SMARCC1: variants seen among roughly 807,000 people sequenced by gnomAD.
SMARCC1 encodes the protein SWI/SNF related BAF chromatin remodeling complex subunit C1, also known as SWI/SNF complex subunit SMARCC1.
Under a neutral mutation model 147.4 loss-of-function variants are expected in SMARCC1, and 43 were observed. That is an observed-to-expected ratio of 0.29 (90% confidence interval 0.23 to 0.38). The LOEUF is 0.38. Ranked by LOEUF, SMARCC1 falls within the 10% of genes least tolerant of loss-of-function variation. The probability of loss-of-function intolerance (pLI) is 1.00; values close to 1 mark genes in which losing one functional copy is unlikely to be tolerated. For synonymous variants in SMARCC1, 495 were observed against 484.4 expected (o/e 1.02, Z -0.29); for missense variants, 1,119 against 1,381.1 (o/e 0.81, Z 3.01).
chr3:47,741,353 C>G (rs964545856), intron 3 of SMARCC1, among the ~76,000 whole-genome samples: 2 of 48,872 alleles, frequency 4.1e-5, no homozygotes, highest in Non-Finnish European at 1.2e-4. Flanking sequence ...AATTTGAACA[C>G]TCAACGATTT....
At chr3:47,608,849 TAAAAAAAAA>T (rs35698988) in intron 26 of SMARCC1, among the ~76,000 whole-genome samples, 7 of 86,864 alleles carry the variant, frequency 8.1e-5, no homozygotes, top group Non-Finnish European at 1.5e-4. Flanking sequence ...ACAGTGTCTT[TAAAAAAAAA>T]AAAAAAAAAA....
chr3:47,753,712 C>CAAAAAA (rs71070226), intron 2 of SMARCC1, among the ~76,000 whole-genome samples: 13 of 69,534 alleles, frequency 1.9e-4, no homozygotes, highest in East Asian at 9.2e-4. Flanking sequence ...AACTCCATCT[C>CAAAAAA]AAAAAAAAAA....
chr3:47,687,400 G>T (rs1299237910), intron 13 of SMARCC1, among the ~76,000 whole-genome samples: 1 of 152,144 alleles, frequency 6.6e-6, no homozygotes, highest in Non-Finnish European at 1.5e-5. Context: ...ACAGGAAGAG[G>T]CTGGCATTGC....
In SMARCC1 at chr3:47,610,335, C is replaced by T. The variant is rs369706664; in HGVS notation, c.2782-8G>A. On this transcript the variant is annotated splice_region_variant and splice_polypyrimidine_tract_variant and intron_variant, in intron 25 of 27. Transcript: ENST00000254480. ...CTGCCTCTGTTGTTCTAGCTGTAAGCAAAGGAAGTGGAAGAGAAATGACAC... is the reference window on the plus strand; with the variant it reads ...CTGCCTCTGTTGTTCTAGCTGTAAGTAAAGGAAGTGGAAGAGAAATGACAC... The T allele has an allele frequency of 1.2e-6, 2 of 1,614,018 alleles. No homozygotes were observed. The highest frequency in any genetic ancestry group is 1.7e-6 in the Non-Finnish European group (2 of 1,179,904).
intron 2 of SMARCC1, among the ~76,000 whole-genome samples, chr3:47,763,502 G>A (rs1181267677): frequency 6.6e-6 from 1 of 151,672 alleles, no homozygotes; most frequent in East Asian, 1.9e-4. Flanking sequence ...CATTTTTGTA[G>A]ATATATTAAG....
chr3:47,603,780 A>T, intron 26 of SMARCC1: 1 of 313,818 alleles, frequency 3.2e-6, no homozygotes, highest in South Asian at 2.8e-5. Flanking sequence ...TGGTCTAAGA[A>T]CAGTTGGGGC....
chr3:47,717,938 GA>G (rs2034177778), intron 7 of SMARCC1, among the ~76,000 whole-genome samples: 1 of 151,696 alleles, frequency 6.6e-6, no homozygotes, highest in Non-Finnish European at 1.5e-5. Flanking sequence ...TGAACAGTTT[GA>G]GGCCAGGAGG....
At chr3:47,710,950 G>A (rs754411202) in intron 8 of SMARCC1, 142 bp from the exon 9 acceptor site, 1 of 543,210 alleles carries the variant, frequency 1.8e-6, no homozygotes, top group East Asian at 3.3e-5. Context: ...CTAATGATAT[G>A]TGAGTTGTAA....
At chr3:47,660,431 G>A (rs2033329406) in intron 21 of SMARCC1, among the ~76,000 whole-genome samples, 1 of 115,730 alleles carries the variant, frequency 8.6e-6, no homozygotes, top group African/African-American at 3.4e-5. Flanking sequence ...GGGCGACAGA[G>A]CAAGACTCTG....
At chr3:47,757,233 T>C (rs2034710049) in intron 2 of SMARCC1, among the ~76,000 whole-genome samples, 1 of 151,142 alleles carries the variant, frequency 6.6e-6, no homozygotes, top group Admixed American at 6.6e-5. Flanking sequence ...CCTGGGTGAT[T>C]AGGCCAGACC....
Position 47,701,412 on chromosome 3 carries a change from A to G in SMARCC1, c.1041-10T>C, listed in dbSNP as rs990608384. ...ATAAAGGCTAGCTTGGCTAAAACAT[A>G]CAAGTATATGAAATATAAACAAGAC... On this transcript the variant is annotated splice_polypyrimidine_tract_variant and intron_variant, in intron 10 of 27. Transcript: ENST00000254480. 13 of 1,612,636 alleles carry G rather than the reference A, an allele frequency of 8.1e-6. No individual in the cohort carries two copies. The highest frequency in any genetic ancestry group is 1.1e-5 in the Non-Finnish European group (13 of 1,178,960).
intron 10 of SMARCC1, among the ~76,000 whole-genome samples, chr3:47,704,584 CAA>C (rs2033966873): frequency 6.6e-6 from 1 of 152,038 alleles, no homozygotes; most frequent in Non-Finnish European, 1.5e-5. Context: ...CATGTAGTTC[CAA>C]AATCTCTGAA....
At chr3:47,588,435 C>A in intron 27 of SMARCC1, 129 bp from the exon 28 acceptor site, 1 of 769,088 alleles carries the variant, frequency 1.3e-6, no homozygotes, top group Non-Finnish European at 2.2e-6. Flanking sequence ...CCCTGTGAGG[C>A]ATTGATTCCA....
chr3:47,588,978 G>A (rs6790196), intron 27 of SMARCC1, among the ~76,000 whole-genome samples: 1,547 of 152,176 alleles, frequency 0.01, 22 homozygotes, highest in African/African-American at 0.035. Flanking sequence ...AAAAGAACCC[G>A]AGAGATCATT....
Position 47,635,241 on chromosome 3 carries a change from A to G in SMARCC1, c.2595T>C (p.Asn865=), listed in dbSNP as rs1487274208. ...KKVEHEISEG[N]VATAAAAALA... Reference sequence around the variant, plus strand: ...GAGCAGCTGCTGCGGCTGTGGCAACATTTCCTTCGGAAATTTCATGTTCTA... The same window carrying G: ...GAGCAGCTGCTGCGGCTGTGGCAACGTTTCCTTCGGAAATTTCATGTTCTA... Residue 865 remains asparagine, a synonymous_variant, in exon 24 of 28, where the codon AAT becomes AAC. Coordinates refer to ENST00000254480, the MANE Select transcript of SMARCC1 (RefSeq NM_003074.4). 1 of 1,613,890 alleles carries G rather than the reference A, an allele frequency of 6.2e-7. No homozygotes were observed. The highest frequency in any genetic ancestry group is 8.5e-7 in the Non-Finnish European group (1 of 1,179,990).
chr3:47,611,307 C>T (rs898822557), intron 25 of SMARCC1, among the ~76,000 whole-genome samples: 4 of 152,060 alleles, frequency 2.6e-5, no homozygotes, highest in African/African-American at 9.7e-5. Flanking sequence ...CTGTGTTGTC[C>T]AATACAGCAG....
intron 1 of SMARCC1, among the ~76,000 whole-genome samples, chr3:47,778,296 T>C (rs1200108210): frequency 1.3e-5 from 2 of 151,438 alleles, no homozygotes; most frequent in Non-Finnish European, 2.9e-5. Flanking sequence ...TTTGTTTTTG[T>C]TTTTTGTTTT....
Position 47,676,654 on chromosome 3 carries a change from A to ACAAGCC in SMARCC1, c.1694_1699dup (p.Gly565_Leu566dup). The ACAAGCC allele has an allele frequency of 6.2e-7, 1 of 1,614,004 alleles. No individual in the cohort carries two copies. Among genetic ancestry groups the ACAAGCC allele is most frequent in the East Asian group, 2.2e-5 (1 of 44,884 alleles). On this transcript the variant is annotated inframe_insertion, in exon 17 of 28. Transcript: ENST00000254480. ...CTGAGGTGATCGAAGATGCAGAGGC[A>ACAAGCC]CAAGCCCAGAGGGGGTATCAGCTAA...
intron 6 of SMARCC1, among the ~76,000 whole-genome samples, chr3:47,723,860 A>G (rs2034266112): frequency 6.6e-6 from 1 of 152,150 alleles, no homozygotes. Flanking sequence ...AAAGTACTTG[A>G]GTAGGTATTT....
Sources: gnomAD v4.1 joint callset for allele counts (sites outside exome capture counted in the v4.1 genomes callset) on GRCh38, gnomAD v4.1.1 for gene constraint, MANE v1.5 for transcripts, NCBI Gene and HGNC (gene_info 2026-07-23, HGNC 2026-07-21) for gene names.